Variants in PDE1C observed in about 807,000 individuals in gnomAD.
The protein encoded by PDE1C is phosphodiesterase 1C, also known as dual specificity calcium/calmodulin-dependent 3',5'-cyclic nucleotide phosphodiesterase 1C.
A neutral mutation model predicts 93.1 loss-of-function variants in PDE1C; 62 were observed. That is an observed-to-expected ratio of 0.67 (90% CI 0.54 to 0.82). The LOEUF is 0.82. PDE1C is among the 40% of genes least tolerant of loss of function. PDE1C has a pLI of 0.00. For synonymous variants in PDE1C, 325 were observed against 310.1 expected (o/e 1.05, Z -0.50); for missense variants, 742 against 884.6 (o/e 0.84, Z 2.04).
chr7:31,831,604 T>C (rs180971857), intron 11 of PDE1C, among the ~76,000 whole-genome samples: 3 of 152,112 alleles, frequency 2.0e-5, no homozygotes, highest in African/African-American at 7.2e-5. Context: ...CTGATTGCCC[T>C]GTGGTACAAA....
At chr7:31,619,427 T>C in the PDE1C span, among the ~76,000 whole-genome samples, 1 of 152,216 alleles carries the variant, frequency 6.6e-6, no homozygotes, top group African/African-American at 2.4e-5. Context: ...ATGTAACATG[T>C]TCCTAACTTA....
At chr7:31,890,750 A>ATGGTTT (rs1798519838) in intron 2 of PDE1C, among the ~76,000 whole-genome samples, 1 of 152,196 alleles carries the variant, frequency 6.6e-6, no homozygotes, top group African/African-American at 2.4e-5. Context: ...AAAACCTTCA[A>ATGGTTT]ATAATGGCTA....
At chr7:31,732,342 G>A in the PDE1C span, among the ~76,000 whole-genome samples, 1 of 152,072 alleles carries the variant, frequency 6.6e-6, no homozygotes, top group South Asian at 2.1e-4. Context: ...GTGCCCAGTT[G>A]TTGGACAAGT....
chr7:32,218,498 C>T (rs1424851001), intron 1 of PDE1C, among the ~76,000 whole-genome samples: 1 of 152,200 alleles, frequency 6.6e-6, no homozygotes, highest in African/African-American at 2.4e-5. Flanking sequence ...CAGGGTATCA[C>T]ACAGACAGAG....
At position 32,096,626 on chromosome 7, in the gene PDE1C, A is replaced by C. The variant is rs534869964; in HGVS notation, c.308+73159T>G. On this transcript the variant is annotated intron_variant, in intron 3 of 18. Coordinates refer to the PDE1C transcript ENST00000396193. ...AAATGAACACTATTACATAATAATAAGCAATTAAAACATGTCTTAAAATTA... is the reference window on the plus strand; with the variant it reads ...AAATGAACACTATTACATAATAATACGCAATTAAAACATGTCTTAAAATTA... Among the ~76,000 whole-genome samples, 3 of 152,318 alleles carry C rather than the reference A, an allele frequency of 2.0e-5. No individual in the cohort carries two copies. In the East Asian group the frequency reaches 5.8e-4, roughly 29 times the overall value.
chr7:32,110,079 G>A (rs1281016332), intron 3 of PDE1C, among the ~76,000 whole-genome samples: 1 of 152,164 alleles, frequency 6.6e-6, no homozygotes, highest in Non-Finnish European at 1.5e-5. Flanking sequence ...CTCAGGGGTA[G>A]ACAAACTAAG....
intron 1 of PDE1C, among the ~76,000 whole-genome samples, chr7:32,423,896 CA>C (rs140564478): frequency 2.8e-4 from 42 of 151,512 alleles, no homozygotes; most frequent in African/African-American, 1.0e-3. Context: ...GATCATTAAC[CA>C]AAAAAAACAC....
intron 1 of PDE1C, among the ~76,000 whole-genome samples, chr7:32,249,163 A>C (rs769885701): frequency 6.6e-6 from 1 of 151,972 alleles, no homozygotes; most frequent in Non-Finnish European, 1.5e-5. Flanking sequence ...TCTGGACAAG[A>C]AGGGTGCTAT....
In PDE1C at chr7:32,406,560, G is replaced by A. The variant is rs1018913876; in HGVS notation, c.310+21262C>T. On this transcript the variant is annotated intron_variant, in intron 1 of 1. Transcript: ENST00000672256. Reference sequence around the variant, plus strand: ...AAAAAAAAAAAAAAATTGGAATCCAGAAAAATCCAATTGTATAAAATGCTG... The same window carrying A: ...AAAAAAAAAAAAAAATTGGAATCCAAAAAAATCCAATTGTATAAAATGCTG... Among the ~76,000 whole-genome samples, 25 of 148,248 alleles carry A rather than the reference G, an allele frequency of 1.7e-4. No individual in the cohort carries two copies. The South Asian group carries it at 5.1e-3, about 30-fold the overall frequency.
chr7:31,671,290 A>G, the PDE1C span, among the ~76,000 whole-genome samples: 1 of 152,122 alleles, frequency 6.6e-6, no homozygotes, highest in Non-Finnish European at 1.5e-5. Context: ...CGGGGCCAGC[A>G]TGGATTCGTT....
At chr7:32,221,348 G>A (rs1160550959) in intron 1 of PDE1C, among the ~76,000 whole-genome samples, 4 of 152,174 alleles carry the variant, frequency 2.6e-5, no homozygotes, top group African/African-American at 9.7e-5. Context: ...TTTGATTCTT[G>A]GGAGAAGTGG....
intron 2 of PDE1C, among the ~76,000 whole-genome samples, chr7:32,010,310 A>AAG: frequency 6.6e-6 from 1 of 152,358 alleles, no homozygotes; most frequent in Admixed American, 6.5e-5. Context: ...AGGTCAATGG[A>AAG]GCAGAATAGA....
the PDE1C span, among the ~76,000 whole-genome samples, chr7:31,718,823 C>T: frequency 6.6e-6 from 1 of 152,130 alleles, no homozygotes; most frequent in African/African-American, 2.4e-5. Context: ...TGCTAGGCAC[C>T]CAGAGTTTTT....
intron 1 of PDE1C, among the ~76,000 whole-genome samples, chr7:32,254,400 G>C (rs1031597966): frequency 6.6e-6 from 1 of 152,094 alleles, no homozygotes; most frequent in Non-Finnish European, 1.5e-5. Context: ...TTTGTGTGTT[G>C]GCCCTGGTGG....
At chr7:31,869,309 C>T (rs2191868) in intron 6 of PDE1C, among the ~76,000 whole-genome samples, 124,980 of 152,004 alleles carry the variant, frequency 0.82, 52,130 homozygotes, top group Non-Finnish European at 0.88. Flanking sequence ...ACTTCCCACT[C>T]AAAAAATAGA....
chr7:32,082,534 G>A (rs531656880), intron 3 of PDE1C, among the ~76,000 whole-genome samples: 5 of 152,326 alleles, frequency 3.3e-5, no homozygotes, highest in Non-Finnish European at 7.3e-5. Context: ...ATCTGAGAAC[G>A]GGCAGACTGC....
rs1554300214 is a variant in PDE1C, at chr7:32,282,485, A to AATAGATAG, written c.85+16158_85+16165dup. On this transcript the variant is annotated intron_variant, in intron 1 of 18. Transcript: ENST00000396193. ...AAAGGCCAAACTCCATCAAAAAAAA[A>AATAGATAG]ATAGATAGATAGATAGATAGATAGA... Among the ~76,000 whole-genome samples, 109 of 143,932 alleles carry AATAGATAG rather than the reference A, an allele frequency of 7.6e-4. 1 individual carries two copies. In the Middle Eastern group the frequency reaches 0.014, roughly 18 times the overall value. 94.4% of individuals were successfully genotyped at this position (143,932 alleles called of 152,430 possible). A position where few individuals can be genotyped will look rare whatever the true frequency, so the allele number is the denominator to read the frequency against.
chr7:31,809,565 A>G (rs1787299870), intron 15 of PDE1C, among the ~76,000 whole-genome samples: 1 of 152,076 alleles, frequency 6.6e-6, no homozygotes, highest in Non-Finnish European at 1.5e-5. Context: ...AGAGCTAGAA[A>G]TGGTATTTTA....
intron 2 of PDE1C, among the ~76,000 whole-genome samples, chr7:32,172,122 T>G (rs1038132429): frequency 4.0e-5 from 6 of 151,796 alleles, no homozygotes; most frequent in Admixed American, 1.3e-4. Context: ...AGCAAAAAAT[T>G]TTTTAAGTAG....
Sources: allele counts gnomAD v4.1 joint callset (sites outside exome capture counted in the v4.1 genomes callset), GRCh38; gene constraint gnomAD v4.1.1; transcripts MANE v1.5; gene names NCBI Gene and HGNC (gene_info 2026-07-23, HGNC 2026-07-21).